Variants in GATAD2B observed in about 807,000 individuals in gnomAD.
The protein encoded by GATAD2B is GATA zinc finger domain containing 2B, also known as transcriptional repressor p66-beta.
A neutral mutation model predicts 64.3 loss-of-function variants in GATAD2B; 8 were observed. The observed-to-expected ratio is 0.12, with a 90% CI of 0.07 to 0.22. The LOEUF (loss-of-function observed/expected upper bound fraction) is 0.22. Among genes scored for constraint, GATAD2B ranks in the 10% least tolerant of loss-of-function variants. GATAD2B has a pLI of 1.00. For missense variants in GATAD2B, 453 were observed against 752.0 expected (o/e 0.60, Z 4.65); for synonymous variants, 281 against 271.3 (o/e 1.04, Z -0.35).
chr1:153,818,770 C>G (rs1384233695), intron 4 of GATAD2B, 21 bp downstream of exon 4: 1 of 1,610,872 alleles, frequency 6.2e-7, no homozygotes, highest in East Asian at 2.2e-5. Flanking sequence ...CCCTTAGTCC[C>G]TTATTTCTAG....
At chr1:153,824,614 A>T (rs973187452) in intron 2 of GATAD2B, among the ~76,000 whole-genome samples, 2 of 118,640 alleles carry the variant, frequency 1.7e-5, no homozygotes, top group African/African-American at 5.3e-5. Flanking sequence ...TCTGCCTTTA[A>T]AAAAAAAAAA....
At chr1:153,811,701 G>A (rs776951364) in intron 10 of GATAD2B, 30 bp downstream of exon 10, 26 of 1,338,494 alleles carry the variant, frequency 1.9e-5, no homozygotes, top group Non-Finnish European at 2.6e-5. Context: ...GCTGACCCAT[G>A]AGAAACATTT....
At chr1:153,849,164 T>C (rs1045572866) in intron 1 of GATAD2B, among the ~76,000 whole-genome samples, 3 of 152,212 alleles carry the variant, frequency 2.0e-5, no homozygotes, top group Non-Finnish European at 2.9e-5. Flanking sequence ...GGGCACTTTA[T>C]AATGACCAGA....
chr1:153,847,817 T>C (rs1675741977), intron 1 of GATAD2B, among the ~76,000 whole-genome samples: 1 of 152,180 alleles, frequency 6.6e-6, no homozygotes, highest in African/African-American at 2.4e-5. Flanking sequence ...TTTTAATATA[T>C]CTATGCTGCA....
chr1:153,844,630 G>A (rs1477338739), intron 1 of GATAD2B, among the ~76,000 whole-genome samples: 3 of 151,322 alleles, frequency 2.0e-5, no homozygotes, highest in Non-Finnish European at 4.4e-5. Flanking sequence ...GATGAAATTG[G>A]AAATCATCAT....
At chr1:153,886,167 C>T (rs1250370914) in intron 1 of GATAD2B, among the ~76,000 whole-genome samples, 1 of 152,174 alleles carries the variant, frequency 6.6e-6, no homozygotes, top group African/African-American at 2.4e-5. Context: ...AAATCTTTGT[C>T]CCCATTTTAA....
intron 1 of GATAD2B, among the ~76,000 whole-genome samples, chr1:153,844,339 C>T (rs1405730069): frequency 6.7e-6 from 1 of 149,348 alleles, no homozygotes; most frequent in African/African-American, 2.5e-5. Flanking sequence ...GTAGAGTGCA[C>T]AGGAAAGTCC....
chr1:153,810,335 G>A (rs1289769620), intron 10 of GATAD2B, 25 bp from the exon 11 acceptor site: 1 of 1,609,374 alleles, frequency 6.2e-7, no homozygotes, highest in South Asian at 1.1e-5. Context: ...CAAAAGTGGA[G>A]GGCAGGTATT....
At chr1:153,825,882 C>T (rs902892825) in intron 2 of GATAD2B, among the ~76,000 whole-genome samples, 1 of 152,176 alleles carries the variant, frequency 6.6e-6, no homozygotes, top group Non-Finnish European at 1.5e-5. Flanking sequence ...ACCAGTCCAG[C>T]TTCTTAGAGA....
intron 1 of GATAD2B, among the ~76,000 whole-genome samples, chr1:153,900,436 G>A (rs370000434): frequency 1.2e-4 from 19 of 152,112 alleles, no homozygotes; most frequent in East Asian, 1.2e-3. Context: ...GAAAAGAAAA[G>A]AATAGCTTGA....
intron 1 of GATAD2B, among the ~76,000 whole-genome samples, chr1:153,922,294 A>C (rs916988954): frequency 1.3e-5 from 2 of 150,960 alleles, no homozygotes; most frequent in African/African-American, 4.9e-5. Context: ...GAGTTAAAAA[A>C]AAAAAGGGGG....
At chr1:153,829,879 C>A (rs1675015051) in intron 1 of GATAD2B, among the ~76,000 whole-genome samples, 1 of 151,816 alleles carries the variant, frequency 6.6e-6, no homozygotes, top group South Asian at 2.1e-4. Context: ...GTGGGTAGAT[C>A]ACTTGAGATC....
At chr1:153,827,179 G>A (rs1017199402) in intron 2 of GATAD2B, among the ~76,000 whole-genome samples, 2 of 148,474 alleles carry the variant, frequency 1.3e-5, no homozygotes, top group East Asian at 2.0e-4. Context: ...GGGGAAGATC[G>A]CTTGAATCCA....
At chr1:153,884,430 G>C (rs930466369) in intron 1 of GATAD2B, among the ~76,000 whole-genome samples, 1 of 150,056 alleles carries the variant, frequency 6.7e-6, no homozygotes, top group Non-Finnish European at 1.5e-5. Flanking sequence ...GCGACAGAGC[G>C]AGACTCCACC....
chr1:153,839,969 G>A (rs951466733), intron 1 of GATAD2B, among the ~76,000 whole-genome samples: 1 of 150,138 alleles, frequency 6.7e-6, no homozygotes, highest in African/African-American at 2.5e-5. Context: ...GCGAGATTCT[G>A]TCTCAAACAA....
chr1:153,851,653 T>G (rs1385857133), intron 1 of GATAD2B, among the ~76,000 whole-genome samples: 1 of 152,130 alleles, frequency 6.6e-6, no homozygotes, highest in Non-Finnish European at 1.5e-5. Context: ...AATTCAAAGG[T>G]AGTATTCCTA....
chr1:153,814,342 G>C (rs760975575), intron 7 of GATAD2B, among the ~76,000 whole-genome samples: 1 of 152,104 alleles, frequency 6.6e-6, no homozygotes, highest in Non-Finnish European at 1.5e-5. Flanking sequence ...TCTATAGTAT[G>C]GTTTAGTATT....
At position 153,920,183 on chromosome 1, in the gene GATAD2B, G is replaced by C. The variant is rs531715591; in HGVS notation, c.-2+2550C>G. On this transcript the variant is annotated intron_variant, in intron 1 of 10. Coordinates refer to ENST00000368655, the MANE Select transcript of GATAD2B (RefSeq NM_020699.4). ...GAAGAAGAATCAGTAAATTGAAACAGGAGGAATGCTTTACATGCAACACAC... is the reference window on the plus strand; with the variant it reads ...GAAGAAGAATCAGTAAATTGAAACACGAGGAATGCTTTACATGCAACACAC... 2.0e-5 allele frequency among the ~76,000 whole-genome samples: 3 copies of C among 152,320 alleles called. No individual in the cohort carries two copies. In the East Asian group the frequency reaches 5.8e-4, roughly 29 times the overall value.
chr1:153,812,480 G>T (rs1296035007), intron 8 of GATAD2B, among the ~76,000 whole-genome samples: 1 of 152,170 alleles, frequency 6.6e-6, no homozygotes, highest in Non-Finnish European at 1.5e-5. Context: ...CAATGATCAA[G>T]GGATCCTCCT....
Sources: allele counts gnomAD v4.1 joint callset (sites outside exome capture counted in the v4.1 genomes callset), GRCh38; gene constraint gnomAD v4.1.1; transcripts MANE v1.5; gene names NCBI Gene and HGNC (gene_info 2026-07-23, HGNC 2026-07-21).